UNC5D: variants seen among roughly 807,000 people sequenced by gnomAD.
The protein encoded by UNC5D is netrin receptor UNC5D.
In UNC5D, 39 loss-of-function variants were observed where a neutral mutation model predicts 105.4. The ratio of observed to expected loss-of-function variants is 0.37; its 90% CI spans 0.29 to 0.48. The LOEUF (loss-of-function observed/expected upper bound fraction) is 0.48. UNC5D is among the 20% of genes least tolerant of loss of function. The probability of loss-of-function intolerance (pLI) is 0.98; values close to 1 mark genes in which losing one functional copy is unlikely to be tolerated. For synonymous variants in UNC5D, 452 were observed against 450.4 expected, an observed-to-expected ratio of 1.00 and a Z score of -0.04; for missense variants, 991 against 1,202.4, an observed-to-expected ratio of 0.82 and a Z score of 2.60.
chr8:35,794,736 T>C lies in UNC5D; in HGVS notation c.*4173T>C, dbSNP rs984963884. 2 of 152,618 alleles carry C rather than the reference T, an allele frequency of 1.3e-5. No homozygotes were observed. The highest frequency in any genetic ancestry group is 4.8e-5 in the African/African-American group (2 of 41,460). 9.5% of individuals were successfully genotyped at this position (152,618 alleles called of 1,614,324 possible). ...CTGCCGTTACAAAGCTGTTTGGCTG[T>C]ATTGACAGCATGTGGTGTTTTTACA... On this transcript the variant is annotated 3_prime_UTR_variant, in exon 17 of 17. Coordinates refer to ENST00000404895, the MANE Select transcript of UNC5D (RefSeq NM_080872.4).
At chr8:35,339,279 C>T (rs1164471551) in intron 1 of UNC5D, among the ~76,000 whole-genome samples, 1 of 152,040 alleles carries the variant, frequency 6.6e-6, no homozygotes, top group Non-Finnish European at 1.5e-5. Context: ...CCATAGCAAC[C>T]AATCCTACTT....
intron 4 of UNC5D, among the ~76,000 whole-genome samples, chr8:35,649,923 G>GA (rs1823297156): frequency 6.6e-6 from 1 of 152,146 alleles, no homozygotes; most frequent in African/African-American, 2.4e-5. Flanking sequence ...TCCTGGAACA[G>GA]AAAAAAGACA....
intron 1 of UNC5D, among the ~76,000 whole-genome samples, chr8:35,538,763 T>C (rs1017891782): frequency 1.3e-5 from 2 of 152,062 alleles, no homozygotes; most frequent in Non-Finnish European, 2.9e-5. Context: ...ACCCAAGTTC[T>C]AACTTAGGGA....
intron 1 of UNC5D, among the ~76,000 whole-genome samples, chr8:35,281,298 G>A (rs1263533496): frequency 6.6e-6 from 1 of 152,126 alleles, no homozygotes; most frequent in Non-Finnish European, 1.5e-5. Flanking sequence ...ATGACTGTCT[G>A]CATACTAAGT....
At chr8:35,601,215 G>C (rs1819860060) in intron 4 of UNC5D, among the ~76,000 whole-genome samples, 1 of 152,150 alleles carries the variant, frequency 6.6e-6, no homozygotes. Flanking sequence ...TTGTAGTATA[G>C]TTTAAAGTCA....
At chr8:35,609,326 C>A (rs537154818) in intron 4 of UNC5D, among the ~76,000 whole-genome samples, 2 of 152,274 alleles carry the variant, frequency 1.3e-5, no homozygotes, top group African/African-American at 4.8e-5. Context: ...TTTGGAATTT[C>A]TTTTCTCCAT....
intron 1 of UNC5D, chr8:35,525,159 C>A: frequency 6.2e-7 from 1 of 1,608,994 alleles, no homozygotes; most frequent in South Asian, 1.1e-5. Context: ...CTGGAAGAGT[C>A]CTCCATGTGT....
At chr8:35,429,736 T>C (rs901034187) in intron 1 of UNC5D, among the ~76,000 whole-genome samples, 7 of 152,182 alleles carry the variant, frequency 4.6e-5, no homozygotes, top group Non-Finnish European at 8.8e-5. Context: ...ATAGAGAACA[T>C]GTCCATCACC....
At chr8:35,769,593 T>G (rs1370258614) in intron 15 of UNC5D, among the ~76,000 whole-genome samples, 1 of 152,344 alleles carries the variant, frequency 6.6e-6, no homozygotes, top group East Asian at 1.9e-4. Flanking sequence ...GGTTGAATGA[T>G]TGCTCAAACC....
chr8:35,645,429 G>A (rs1023885059), intron 4 of UNC5D, among the ~76,000 whole-genome samples: 1 of 151,956 alleles, frequency 6.6e-6, no homozygotes, highest in African/African-American at 2.4e-5. Context: ...AAATCTTTTA[G>A]CAAAATAATG....
chr8:35,477,901 A>G (rs1249137355), intron 1 of UNC5D, among the ~76,000 whole-genome samples: 1 of 152,166 alleles, frequency 6.6e-6, no homozygotes, highest in Non-Finnish European at 1.5e-5. Flanking sequence ...GCTACTGGTT[A>G]AATAGGAAGA....
intron 3 of UNC5D, among the ~76,000 whole-genome samples, chr8:35,581,729 G>A (rs1053041580): frequency 6.6e-6 from 1 of 151,708 alleles, no homozygotes; most frequent in Non-Finnish European, 1.5e-5. Flanking sequence ...ATAAACATAT[G>A]TACCTCTTAT....
intron 3 of UNC5D, among the ~76,000 whole-genome samples, chr8:35,568,783 C>T (rs1048518052): frequency 5.9e-5 from 9 of 152,270 alleles, no homozygotes; most frequent in South Asian, 4.2e-4. Context: ...AGTCGGAGTG[C>T]AGGTGTCTCA....
intron 4 of UNC5D, among the ~76,000 whole-genome samples, chr8:35,647,772 A>C (rs1211732977): frequency 2.6e-5 from 4 of 152,198 alleles, no homozygotes; most frequent in Admixed American, 2.6e-4. Context: ...AAATAATTAT[A>C]GGGAGTGGTT....
chr8:35,598,076 T>G (rs1819601952), intron 4 of UNC5D, among the ~76,000 whole-genome samples: 1 of 152,084 alleles, frequency 6.6e-6, no homozygotes, highest in South Asian at 2.1e-4. Flanking sequence ...TCACACTGCT[T>G]TGTCCCATCT....
At chr8:35,425,897 C>A (rs1280627601) in intron 1 of UNC5D, among the ~76,000 whole-genome samples, 1 of 152,094 alleles carries the variant, frequency 6.6e-6, no homozygotes, top group Non-Finnish European at 1.5e-5. Flanking sequence ...GGCGTTTAAC[C>A]ATTTCAGGGT....
At chr8:35,494,731 A>G (rs1333768468) in intron 1 of UNC5D, among the ~76,000 whole-genome samples, 3 of 152,228 alleles carry the variant, frequency 2.0e-5, no homozygotes, top group African/African-American at 2.4e-5. Flanking sequence ...TAATTCTGAC[A>G]GTCGCCATCT....
intron 1 of UNC5D, among the ~76,000 whole-genome samples, chr8:35,389,620 C>A (rs900974381): frequency 4.4e-4 from 66 of 151,442 alleles, no homozygotes; most frequent in African/African-American, 1.6e-3. Flanking sequence ...CCCTTTCATT[C>A]TTTGCATGGT....
chr8:35,713,327 A>G (rs1828069171), intron 8 of UNC5D, among the ~76,000 whole-genome samples: 1 of 152,176 alleles, frequency 6.6e-6, no homozygotes, highest in African/African-American at 2.4e-5. Flanking sequence ...TGTAGAGTTT[A>G]TATCTTCAGT....
Sources: gnomAD v4.1 joint callset for allele counts (sites outside exome capture counted in the v4.1 genomes callset) on GRCh38, gnomAD v4.1.1 for gene constraint, MANE v1.5 for transcripts, NCBI Gene and HGNC (gene_info 2026-07-23, HGNC 2026-07-21) for gene names.